The following GOLT1A variants were observed in gnomAD, a reference collection of about 807,000 sequenced individuals.
The protein encoded by GOLT1A is vesicle transport protein GOT1A.
GOLT1A carries 10 observed loss-of-function variants against 16.1 expected under a neutral mutation model. The observed-to-expected ratio is 0.62, with a 90% CI of 0.38 to 1.05. The LOEUF (loss-of-function observed/expected upper bound fraction) is 1.05. GOLT1A is among the 50% of genes least tolerant of loss of function. The pLI, the probability that GOLT1A is intolerant of heterozygous loss-of-function variation, is 0.01. For missense variants in GOLT1A, 137 were observed against 165.7 expected (o/e 0.83, Z 0.95); for synonymous variants, 60 against 67.9 (o/e 0.88, Z 0.57).
At chr1:204,200,327 GTTT>G (rs538218770) in intron 3 of GOLT1A, among the ~76,000 whole-genome samples, 5 of 60,426 alleles carry the variant, frequency 8.3e-5, no homozygotes, top group African/African-American at 1.2e-4. Context: ...ATATGTTTTT[GTTT>G]TTTTTTTTTT....
chr1:204,198,910 T>A (rs1483060714), intron 4 of GOLT1A: 2 of 506,104 alleles, frequency 4.0e-6, no homozygotes, highest in Non-Finnish European at 7.1e-6. Flanking sequence ...AGTCTCTGCG[T>A]CTTCATTTCT....
intron 2 of GOLT1A, among the ~76,000 whole-genome samples, 163 bp from the exon 3 acceptor site, chr1:204,201,974 T>C (rs186947211): frequency 1.4e-3 from 216 of 152,206 alleles, no homozygotes; most frequent in Non-Finnish European, 2.6e-3. Context: ...AGAGCCTTGA[T>C]AAGTCTTGCT....
At chr1:204,199,410 C>A (rs138653848) in intron 3 of GOLT1A, 152 bp from the exon 4 acceptor site, 2 of 660,902 alleles carry the variant, frequency 3.0e-6, no homozygotes, top group East Asian at 2.8e-5. Context: ...GAGAGACAGT[C>A]GAGTGACATG....
At chr1:204,206,127 T>C (rs1201894573) in intron 1 of GOLT1A, among the ~76,000 whole-genome samples, 2 of 152,192 alleles carry the variant, frequency 1.3e-5, no homozygotes, top group African/African-American at 4.8e-5. Context: ...AATTATAGAC[T>C]GAAACCTTGC....
chr1:204,200,987 A>C (rs1466566729), intron 3 of GOLT1A, among the ~76,000 whole-genome samples: 2 of 151,904 alleles, frequency 1.3e-5, no homozygotes, highest in East Asian at 3.9e-4. Flanking sequence ...CCCATCCCTC[A>C]AGGCTTCTCT....
chr1:204,205,775 T>C (rs1250190478), intron 1 of GOLT1A, among the ~76,000 whole-genome samples: 2 of 152,122 alleles, frequency 1.3e-5, no homozygotes, highest in Non-Finnish European at 2.9e-5. Flanking sequence ...TCATCAAAAA[T>C]ACAGCAATGA....
chr1:204,200,344 A>C (rs1658937396), intron 3 of GOLT1A, among the ~76,000 whole-genome samples: 1 of 72,392 alleles, frequency 1.4e-5, no homozygotes, highest in Non-Finnish European at 2.9e-5. Flanking sequence ...TTTTTTTGAG[A>C]GAGAGAGTCT....
chr1:204,203,072 G>A, intron 1 of GOLT1A, 85 bp from the exon 2 acceptor site: 2 of 1,002,936 alleles, frequency 2.0e-6, no homozygotes, highest in African/African-American at 1.6e-5. Context: ...CACAGGACAG[G>A]TGCCCTCTAT....
At chr1:204,200,869 C>G (rs548439157) in intron 3 of GOLT1A, among the ~76,000 whole-genome samples, 1 of 152,292 alleles carries the variant, frequency 6.6e-6, no homozygotes, top group Non-Finnish European at 1.5e-5. Context: ...CCCCTATTCT[C>G]TCCACACCAC....
intron 1 of GOLT1A, among the ~76,000 whole-genome samples, chr1:204,213,644 C>T (rs1411803075): frequency 6.6e-6 from 1 of 152,176 alleles, no homozygotes; most frequent in Non-Finnish European, 1.5e-5. Flanking sequence ...GGGGAACCTG[C>T]CAGGCCCCCT....
rs1557987199 is a variant in GOLT1A at position 204,208,421 on chromosome 1, TATGTGTATATGTATACATA to T, written c.25+5442_26-5435del. Among the ~76,000 whole-genome samples, 80 of 87,684 alleles carry T rather than the reference TATGTGTATATGTATACATA, an allele frequency of 9.1e-4. 4 individuals are homozygous for T. The highest frequency in any genetic ancestry group is 1.6e-3 in the Non-Finnish European group (57 of 34,612). The allele number at this position is 87,684 out of a possible 152,430, so 57.5% of individuals were successfully genotyped here. ...ATACATATATGTATATATGTATACA[TATGTGTATATGTATACATA>T]TGTGTGTATATATGTATACTTGTGT... On this transcript the variant is annotated intron_variant, in intron 1 of 4. Coordinates refer to ENST00000308302, the MANE Select transcript of GOLT1A (RefSeq NM_198447.2).
At position 204,213,917 on chromosome 1, in the gene GOLT1A, G is replaced by C. The variant is rs1472740167; in HGVS notation, c.-11C>G. ...GGTGATGGAGATCATGCCGCACTCA[G>C]CCTGGGGGGCTTTCCGGGTGGAAGC... On this transcript the variant is annotated 5_prime_UTR_variant, in exon 1 of 5. Coordinates refer to ENST00000308302, the MANE Select transcript of GOLT1A (RefSeq NM_198447.2). 1 of 1,612,938 alleles carries C rather than the reference G, an allele frequency of 6.2e-7. No individual in the cohort carries two copies. The highest frequency in any genetic ancestry group is 1.7e-5 in the Admixed American group (1 of 59,976).
intron 1 of GOLT1A, among the ~76,000 whole-genome samples, chr1:204,212,636 C>CAA (rs34059752): frequency 0.01 from 871 of 84,156 alleles, 9 homozygotes; most frequent in Non-Finnish European, 0.016. Context: ...GACTCTGTCT[C>CAA]AAAAAAAAAA....
At chr1:204,211,976 C>T (rs539259595) in intron 1 of GOLT1A, among the ~76,000 whole-genome samples, 19 of 152,192 alleles carry the variant, frequency 1.2e-4, no homozygotes, top group African/African-American at 4.3e-4. Flanking sequence ...TCGGTGATCT[C>T]ATGGATGCTC....
chr1:204,200,299 G>GTGTGTGTATATATATATA, intron 3 of GOLT1A, among the ~76,000 whole-genome samples: 3 of 82,682 alleles, frequency 3.6e-5, no homozygotes, highest in African/African-American at 1.7e-4. Flanking sequence ...ACATATATGT[G>GTGTGTGTATATATATATA]TATATATATA....
chr1:204,198,339 T>C lies in GOLT1A; in HGVS notation c.*119A>G, dbSNP rs11576112. 36,657 of 910,034 alleles carry C rather than the reference T, an allele frequency of 0.04. 962 individuals are homozygous for C. The highest frequency in any genetic ancestry group is 0.063 in the Middle Eastern group (271 of 4,304). The allele number at this position is 910,034 out of a possible 1,614,324, so 56.4% of individuals were successfully genotyped here. ...TCAGCTCCATTCCTTCCTTCTGGAC[T>C]TGGGGAGGTCCGGATATGTCGGGGA... On this transcript the variant is annotated 3_prime_UTR_variant, in exon 5 of 5. Coordinates refer to ENST00000308302, the MANE Select transcript of GOLT1A (RefSeq NM_198447.2).
At chr1:204,208,476 G>GTGTATATATATATA (rs1286299770) in intron 1 of GOLT1A, among the ~76,000 whole-genome samples, 52 of 39,880 alleles carry the variant, frequency 1.3e-3, no homozygotes, top group African/African-American at 3.6e-3. Context: ...GTGTGTGTGT[G>GTGTATATATATATA]TATATATATA....
rs1289275879 is a variant in GOLT1A, at chr1:204,199,208, G to A, written c.347C>T (p.Pro116Leu). ...TCATCTGCTTACCGCACCCAGGAAG[G>A]GGATGTTGCAGACATTGCCCAGGAA... is the stretch of plus-strand genomic sequence containing the variant. ...FGFLGNVCNI[P>L]FLGALFRRLQ... The change falls in exon 4 of 5, where the codon CCC (proline) becomes CTC (leucine). Residue 116 changes from proline (P) to leucine (L), a missense_variant. Transcript: ENST00000308302. 21 of 1,600,458 alleles carry A rather than the reference G, an allele frequency of 1.3e-5. No homozygotes were observed. The highest frequency in any genetic ancestry group is 1.7e-4 in the Middle Eastern group (1 of 6,050).
chr1:204,201,337 C>A (rs1250892396), intron 3 of GOLT1A, among the ~76,000 whole-genome samples: 1 of 152,216 alleles, frequency 6.6e-6, no homozygotes. Flanking sequence ...ACTGCCCTTC[C>A]TCTCCGGCTG....
Sources: allele counts gnomAD v4.1 joint callset (sites outside exome capture counted in the v4.1 genomes callset), GRCh38; gene constraint gnomAD v4.1.1; transcripts MANE v1.5; gene names NCBI Gene and HGNC (gene_info 2026-07-23, HGNC 2026-07-21).